DOCK7: variants seen among roughly 807,000 people sequenced by gnomAD.
DOCK7 encodes the protein dedicator of cytokinesis 7.
Under a neutral mutation model 271.0 loss-of-function variants are expected in DOCK7, and 138 were observed. The observed-to-expected ratio is 0.51, with a 90% confidence interval of 0.44 to 0.59. The LOEUF (loss-of-function observed/expected upper bound fraction) is 0.59. DOCK7 is among the 20% of genes least tolerant of loss of function. DOCK7 has a pLI of 0.00. For synonymous variants in DOCK7, 823 were observed against 876.1 expected (o/e 0.94, Z 1.07); for missense variants, 2,066 against 2,592.4 (o/e 0.80, Z 4.41).
chr1:62,597,557 C>G, intron 14 of DOCK7: 1 of 1,611,994 alleles, frequency 6.2e-7, no homozygotes, highest in Non-Finnish European at 8.5e-7. Flanking sequence ...AATTGAAAAT[C>G]AAGATAAAAA....
intron 48 of DOCK7, among the ~76,000 whole-genome samples, chr1:62,466,855 T>C (rs544613156): frequency 1.0e-3 from 159 of 152,010 alleles, no homozygotes; most frequent in African/African-American, 3.7e-3. Context: ...CGGGAGGCGA[T>C]TGCAGTGGGC....
intron 31 of DOCK7, among the ~76,000 whole-genome samples, chr1:62,518,256 T>C (rs1181617739): frequency 6.6e-6 from 1 of 151,286 alleles, no homozygotes; most frequent in Non-Finnish European, 1.5e-5. Context: ...GCCAACATAG[T>C]GCAACTCATC....
At chr1:62,544,813 G>T in intron 23 of DOCK7, 134 bp downstream of exon 23, 1 of 626,528 alleles carries the variant, frequency 1.6e-6, no homozygotes, top group Non-Finnish European at 2.7e-6. Flanking sequence ...TGGAAAATGT[G>T]CTAAGTAAAC....
chr1:62,656,586 C>A (rs1416562039), intron 2 of DOCK7, among the ~76,000 whole-genome samples: 2 of 152,092 alleles, frequency 1.3e-5, no homozygotes, highest in African/African-American at 4.8e-5. Context: ...CTATTCTTTC[C>A]ACTAAGTACA....
At position 62,586,054 on chromosome 1, in the gene DOCK7, G is replaced by A. The variant is rs115757790; in HGVS notation, c.1800+453C>T. On this transcript the variant is annotated intron_variant, in intron 15 of 49. Coordinates refer to ENST00000635253, the MANE Select transcript of DOCK7 (RefSeq NM_001367561.1). ...AGCCATACATATTAAAATCACCCAC[G>A]GAGCATTTTCAAACTATAACACAGC... Among the ~76,000 whole-genome samples, 853 of 152,128 alleles carry A rather than the reference G, an allele frequency of 5.6e-3. 9 individuals are homozygous for A. The highest frequency in any genetic ancestry group is 0.02 in the African/African-American group (811 of 41,524).
chr1:62,532,597 A>G (rs944520485), intron 29 of DOCK7, among the ~76,000 whole-genome samples: 43 of 152,300 alleles, frequency 2.8e-4, no homozygotes, highest in African/African-American at 7.9e-4. Flanking sequence ...AGCCTCGCAA[A>G]GTGTTGGGAT....
intron 12 of DOCK7, 35 bp from the exon 13 acceptor site, chr1:62,620,028 A>C (rs1652953192): frequency 6.5e-7 from 1 of 1,544,234 alleles, no homozygotes; most frequent in Non-Finnish European, 8.9e-7. Flanking sequence ...GTATTTGATA[A>C]AACAAATATA....
At chr1:62,675,804 C>A (rs1265000725) in intron 1 of DOCK7, among the ~76,000 whole-genome samples, 4 of 151,480 alleles carry the variant, frequency 2.6e-5, no homozygotes, top group Admixed American at 2.6e-4. Context: ...AAAAAAAAGG[C>A]ACTAGTCATT....
At chr1:62,688,165 G>T in intron 1 of DOCK7, 62 bp downstream of exon 1, 1 of 1,323,520 alleles carries the variant, frequency 7.6e-7, no homozygotes, top group Admixed American at 3.3e-5. Context: ...GGCCAGGCCT[G>T]GGAGGACTCC....
intron 14 of DOCK7, among the ~76,000 whole-genome samples, chr1:62,603,648 C>T (rs1650489127): frequency 6.6e-6 from 1 of 151,660 alleles, no homozygotes; most frequent in African/African-American, 2.4e-5. Context: ...TAAAGACTTG[C>T]AAATATTCCT....
intron 1 of DOCK7, among the ~76,000 whole-genome samples, chr1:62,666,960 CA>C (rs1659390887): frequency 6.6e-6 from 1 of 152,234 alleles, no homozygotes; most frequent in African/African-American, 2.4e-5. Flanking sequence ...ACACACATTA[CA>C]GTTTTCACAA....
At chr1:62,556,262 G>A (rs543881578) in intron 20 of DOCK7, among the ~76,000 whole-genome samples, 12 of 151,798 alleles carry the variant, frequency 7.9e-5, no homozygotes, top group African/African-American at 2.7e-4. Context: ...AATGCTCAAC[G>A]GATATGTTAT....
intron 16 of DOCK7, among the ~76,000 whole-genome samples, chr1:62,579,915 T>C (rs924585692): frequency 1.3e-5 from 2 of 152,032 alleles, no homozygotes; most frequent in African/African-American, 4.8e-5. Context: ...ATACATCAAA[T>C]ATCTTGTTTG....
chr1:62,612,464 C>G (rs576023339), intron 14 of DOCK7, among the ~76,000 whole-genome samples: 18 of 152,090 alleles, frequency 1.2e-4, no homozygotes, highest in South Asian at 4.2e-4. Context: ...TTGATAGGTA[C>G]AGCAAACCAC....
chr1:62,520,745 A>G (rs1644822693), intron 31 of DOCK7, among the ~76,000 whole-genome samples: 1 of 152,198 alleles, frequency 6.6e-6, no homozygotes, highest in African/African-American at 2.4e-5. Flanking sequence ...CAGCAATTCC[A>G]TTACTGGGTA....
At position 62,634,786 on chromosome 1, in the gene DOCK7, A is replaced by G; in HGVS notation, c.1022T>C (p.Phe341Ser). The G allele has an allele frequency of 6.2e-7, 1 of 1,612,240 alleles. No homozygotes were observed. Among genetic ancestry groups the G allele is most frequent in the Non-Finnish European group, 8.5e-7 (1 of 1,179,068 alleles). ...CATTATTCTCACCTTTATTACAAGA[A>G]AAACATCTTGGGAAGGATAAGTGAT... is the stretch of plus-strand genomic sequence containing the variant. ...FSITYPSQDV[F>S]LVIKLEKVLQ... The change falls in exon 9 of 50, where the codon TTT becomes TCT. Residue 341 changes from phenylalanine (F) to serine (S), a missense_variant. Phe to Ser is a radical substitution (Grantham distance 155, BLOSUM62 -2). Around this residue, in one of 2 missense-constraint regions of DOCK7, gnomAD observed 1,414 missense variants for 1,670.4 expected, o/e 0.85. Coordinates refer to ENST00000635253, the MANE Select transcript of DOCK7 (RefSeq NM_001367561.1).
chr1:62,676,405 G>A (rs1660553853), intron 1 of DOCK7, among the ~76,000 whole-genome samples: 1 of 152,182 alleles, frequency 6.6e-6, no homozygotes, highest in African/African-American at 2.4e-5. Flanking sequence ...CTGGCACAAG[G>A]AATTTTTTGG....
chr1:62,539,908 A>G lies in DOCK7; in HGVS notation c.3046-16T>C, dbSNP rs767831092. The G allele has an allele frequency of 2.6e-6, 4 of 1,525,620 alleles. No homozygotes were observed. In the Admixed American group the frequency reaches 6.1e-5, roughly 23 times the overall value. 94.5% of individuals were successfully genotyped at this position (1,525,620 alleles called of 1,614,324 possible). A position where few individuals can be genotyped will look rare whatever the true frequency, so the allele number is the denominator to read the frequency against. On this transcript the variant is annotated splice_polypyrimidine_tract_variant and intron_variant, in intron 25 of 49. Coordinates refer to ENST00000635253, the MANE Select transcript of DOCK7 (RefSeq NM_001367561.1). ...TGCTCTTTACCTGAAAAAAAGATATAAATTATTAATTTCCTATGAATATAT... is the reference window on the plus strand; with the variant it reads ...TGCTCTTTACCTGAAAAAAAGATATGAATTATTAATTTCCTATGAATATAT...
At chr1:62,531,239 T>C (rs892454121) in intron 29 of DOCK7, among the ~76,000 whole-genome samples, 1 of 152,226 alleles carries the variant, frequency 6.6e-6, no homozygotes, top group Non-Finnish European at 1.5e-5. Flanking sequence ...GTATGCCTTA[T>C]CTCTCAGCAG....
Sources: allele counts gnomAD v4.1 joint callset (sites outside exome capture counted in the v4.1 genomes callset), GRCh38; gene constraint gnomAD v4.1.1; regional missense constraint gnomAD v4.1.1; transcripts MANE v1.5; gene names NCBI Gene and HGNC (gene_info 2026-07-23, HGNC 2026-07-21).